The following SBF2 variants were observed in gnomAD, a reference collection of about 807,000 sequenced individuals.
SBF2 encodes the protein SET binding factor 2.
SBF2 carries 112 observed loss-of-function variants against 225.2 expected under a neutral mutation model. The ratio of observed to expected loss-of-function variants is 0.50; its 90% confidence interval spans 0.43 to 0.58. The LOEUF is 0.58. Ranked by LOEUF, SBF2 falls within the 20% of genes least tolerant of loss-of-function variation. The probability of loss-of-function intolerance (pLI) is 0.00; values close to 1 mark genes in which losing one functional copy is unlikely to be tolerated. For missense variants in SBF2, 1,996 were observed against 2,206.2 expected, an observed-to-expected ratio of 0.90 and a Z score of 1.91; for synonymous variants, 763 against 773.3, an observed-to-expected ratio of 0.99 and a Z score of 0.22.
At chr11:9,797,174 C>A (rs1853176159) in intron 32 of SBF2, among the ~76,000 whole-genome samples, 1 of 152,202 alleles carries the variant, frequency 6.6e-6, no homozygotes, top group South Asian at 2.1e-4. Context: ...TGTACTTAGT[C>A]AGCTGGGTCA....
At chr11:9,922,506 T>C (rs1408137898) in intron 16 of SBF2, among the ~76,000 whole-genome samples, 1 of 152,218 alleles carries the variant, frequency 6.6e-6, no homozygotes, top group African/African-American at 2.4e-5. Flanking sequence ...TTTTTAAGCA[T>C]TATGTTTTGC....
intron 22 of SBF2, among the ~76,000 whole-genome samples, chr11:9,849,020 A>G (rs1010318857): frequency 6.6e-6 from 1 of 152,246 alleles, no homozygotes; most frequent in African/African-American, 2.4e-5. Flanking sequence ...TACTGCATAC[A>G]TAATTTCAAA....
chr11:9,780,183 C>CTGTT lies in SBF2; in HGVS notation c.*231_*234dup. 1 of 538,448 alleles carries CTGTT rather than the reference C, an allele frequency of 1.9e-6. No homozygotes were observed. Among genetic ancestry groups the CTGTT allele is most frequent in the South Asian group, 2.0e-5 (1 of 51,214 alleles). 33.4% of individuals were successfully genotyped at this position (538,448 alleles called of 1,614,324 possible). ...CTTCTGATCATTAACCACTAAGACC[C>CTGTT]TGTTAGAAAAATTTAGTGCAAGATA... On this transcript the variant is annotated 3_prime_UTR_variant, in exon 40 of 40. Coordinates refer to ENST00000256190, the MANE Select transcript of SBF2 (RefSeq NM_030962.4).
chr11:9,985,054 G>A (rs1379282500), intron 13 of SBF2, among the ~76,000 whole-genome samples: 1 of 152,006 alleles, frequency 6.6e-6, no homozygotes, highest in African/African-American at 2.4e-5. Flanking sequence ...CAAAACCAAA[G>A]CCCACAGGCA....
chr11:10,001,299 G>A (rs569055229), intron 7 of SBF2, among the ~76,000 whole-genome samples: 2 of 151,972 alleles, frequency 1.3e-5, no homozygotes, highest in Admixed American at 6.6e-5. Context: ...TTCTAGTACT[G>A]TTTGAAAGCA....
intron 6 of SBF2, among the ~76,000 whole-genome samples, chr11:10,002,980 T>C (rs1948038726): frequency 6.6e-6 from 1 of 152,216 alleles, no homozygotes; most frequent in Admixed American, 6.5e-5. Context: ...GTTCCTGTTT[T>C]AGAATGCTAG....
intron 16 of SBF2, among the ~76,000 whole-genome samples, chr11:9,940,733 T>G (rs533678816): frequency 2.0e-5 from 3 of 152,136 alleles, no homozygotes; most frequent in Non-Finnish European, 2.9e-5. Context: ...AAGGACTCAT[T>G]GTGAACTCAG....
rs1860467032 is a variant in SBF2, at chr11:9,887,895, AC to A, written c.1929+8047del. ...TCCAGATCACGAAGTCTGAAAAAAAACAAAATCCTTTTCCTATTTTGTAAAT... is the reference window on the plus strand; with the variant it reads ...TCCAGATCACGAAGTCTGAAAAAAAAAAAATCCTTTTCCTATTTTGTAAAT... On this transcript the variant is annotated intron_variant, in intron 17 of 39. Coordinates refer to ENST00000256190, the MANE Select transcript of SBF2 (RefSeq NM_030962.4). Among the ~76,000 whole-genome samples, 6 of 152,270 alleles carry A rather than the reference AC, an allele frequency of 3.9e-5. No individual in the cohort carries two copies. The South Asian group carries it at 1.2e-3, about 32-fold the overall frequency.
intron 32 of SBF2, among the ~76,000 whole-genome samples, chr11:9,798,965 A>C (rs1451476274): frequency 6.7e-6 from 1 of 150,066 alleles, no homozygotes; most frequent in African/African-American, 2.4e-5. Flanking sequence ...AAAAAAAAAA[A>C]CCAAAAAACA....
intron 1 of SBF2, among the ~76,000 whole-genome samples, chr11:10,255,835 A>C (rs1960818165): frequency 6.6e-6 from 1 of 152,242 alleles, no homozygotes; most frequent in African/African-American, 2.4e-5. Context: ...TGGCAAAGAT[A>C]TAAAACCAGG....
intron 2 of SBF2, among the ~76,000 whole-genome samples, chr11:10,048,764 T>A (rs1001725460): frequency 6.6e-6 from 1 of 151,030 alleles, no homozygotes; most frequent in African/African-American, 2.4e-5. Context: ...TATAGTGACA[T>A]GTGTCAATAT....
intron 2 of SBF2, among the ~76,000 whole-genome samples, chr11:10,174,442 A>G (rs1591134474): frequency 6.6e-6 from 1 of 152,206 alleles, no homozygotes; most frequent in Non-Finnish European, 1.5e-5. Flanking sequence ...GAAATGAAGC[A>G]AGAAGGGAAG....
At chr11:10,264,033 T>C (rs1476043593) in intron 1 of SBF2, among the ~76,000 whole-genome samples, 2 of 152,212 alleles carry the variant, frequency 1.3e-5, no homozygotes, top group African/African-American at 4.8e-5. Context: ...TGCTTCTGCC[T>C]TAGGTAAAGC....
chr11:10,099,319 G>A (rs560511810), intron 2 of SBF2, among the ~76,000 whole-genome samples: 1 of 152,014 alleles, frequency 6.6e-6, no homozygotes, highest in African/African-American at 2.4e-5. Context: ...ATATTCAAAG[G>A]GCTGAAAAAA....
At chr11:9,862,378 T>C (rs560628048) in intron 17 of SBF2, among the ~76,000 whole-genome samples, 10 of 152,268 alleles carry the variant, frequency 6.6e-5, no homozygotes, top group South Asian at 4.1e-4. Context: ...ATTGCAAAAA[T>C]GGAACTTTGC....
rs554245343 is a variant in SBF2 at position 9,990,829 on chromosome 11, C to T, written c.1297-1234G>A. On this transcript the variant is annotated intron_variant, in intron 12 of 39. Transcript: ENST00000256190. The stretch of plus-strand genomic sequence containing the variant: ...GCAGTCGAGTGGCTCTCAGAGTCAA[C>T]GACTTTGGGAGAGTTTGGAAGAGAT... Among the ~76,000 whole-genome samples the T allele has an allele frequency of 4.1e-4, 63 of 152,160 alleles. 1 individual carries two copies. The South Asian group carries it at 0.011, about 26-fold the overall frequency.
Position 10,134,652 on chromosome 11 carries a change from A to C in SBF2, c.141+59250T>G, listed in dbSNP as rs185707535. On this transcript the variant is annotated intron_variant, in intron 2 of 39. Coordinates refer to ENST00000256190, the MANE Select transcript of SBF2 (RefSeq NM_030962.4). ...GCACTGTGCAAGTCCGAAATCCAGC[A>C]GGTCAGTCAAATCTTAAAGCTCCAA... 7.8e-4 allele frequency among the ~76,000 whole-genome samples: 119 copies of C among 152,366 alleles called. No individual in the cohort carries two copies. In the Middle Eastern group the frequency reaches 0.024, roughly 30 times the overall value.
chr11:10,173,928 C>G (rs928487020), intron 2 of SBF2, among the ~76,000 whole-genome samples: 3 of 151,850 alleles, frequency 2.0e-5, no homozygotes, highest in Admixed American at 2.0e-4. Context: ...CCGGGTACTC[C>G]AACAGACCTG....
At chr11:10,006,833 T>C (rs1483984518) in intron 6 of SBF2, among the ~76,000 whole-genome samples, 1 of 152,188 alleles carries the variant, frequency 6.6e-6, no homozygotes, top group Admixed American at 6.5e-5. Flanking sequence ...CTTGCAGCAG[T>C]TAGCTGAAAA....
Sources: gnomAD v4.1 joint callset for allele counts (sites outside exome capture counted in the v4.1 genomes callset) on GRCh38, gnomAD v4.1.1 for gene constraint, MANE v1.5 for transcripts, NCBI Gene and HGNC (gene_info 2026-07-23, HGNC 2026-07-21) for gene names.